The following IFT57 variants were observed in gnomAD, a reference collection of about 807,000 sequenced individuals.
IFT57 encodes intraflagellar transport 57, also known as intraflagellar transport protein 57 homolog.
A neutral mutation model predicts 56.8 loss-of-function variants in IFT57; 59 were observed. The observed-to-expected ratio is 1.04, with a 90% CI of 0.84 to 1.29. The LOEUF is 1.29. Ranked by LOEUF, IFT57 falls within the 50% of genes most tolerant of loss-of-function variation. IFT57 has a pLI of 0.00. For synonymous variants in IFT57, 209 were observed against 186.1 expected (o/e 1.12, Z -1.00); for missense variants, 470 against 522.1 (o/e 0.90, Z 0.97).
At chr3:108,176,810 C>T (rs1431397302) in intron 6 of IFT57, among the ~76,000 whole-genome samples, 1 of 151,814 alleles carries the variant, frequency 6.6e-6, no homozygotes, top group Non-Finnish European at 1.5e-5. Context: ...CCTCAACAAT[C>T]ACATCCCTCC....
chr3:108,172,901 G>C (rs1046678281), intron 6 of IFT57, among the ~76,000 whole-genome samples: 6 of 151,844 alleles, frequency 4.0e-5, no homozygotes, highest in African/African-American at 9.7e-5. Flanking sequence ...CCATTAAAGT[G>C]TTGAGCCAGT....
intron 3 of IFT57, among the ~76,000 whole-genome samples, chr3:108,216,848 G>A (rs1305727685): frequency 6.6e-6 from 1 of 152,178 alleles, no homozygotes; most frequent in Non-Finnish European, 1.5e-5. Flanking sequence ...AGGACACTAT[G>A]TCAAGTGAAA....
At chr3:108,171,507 C>T (rs574010756) in intron 6 of IFT57, among the ~76,000 whole-genome samples, 1 of 151,766 alleles carries the variant, frequency 6.6e-6, no homozygotes, top group East Asian at 1.9e-4. Flanking sequence ...CTGAAAAGAA[C>T]CTTAGAGATC....
intron 1 of IFT57, among the ~76,000 whole-genome samples, chr3:108,220,156 T>C (rs1166036225): frequency 6.6e-6 from 1 of 152,232 alleles, no homozygotes; most frequent in African/African-American, 2.4e-5. Context: ...TTTCAAAAGA[T>C]TTCTACATGT....
rs574857784 is a variant in IFT57, at chr3:108,161,639, T to C, written c.*838A>G. ...TCTAATGCTGCTTTTTTCACCAATT[T>C]AGAAATCCTAGCCTAGAAAGTTGCT... On this transcript the variant is annotated 3_prime_UTR_variant, in exon 11 of 11. Coordinates refer to ENST00000264538, the MANE Select transcript of IFT57 (RefSeq NM_018010.4). 3.5e-4 allele frequency: 53 copies of C among 152,224 alleles called. No individual in the cohort carries two copies. The highest frequency in any genetic ancestry group is 1.5e-3 in the Admixed American group (23 of 15,268). 9.4% of individuals were successfully genotyped at this position (152,224 alleles called of 1,614,324 possible). A position where few individuals can be genotyped will look rare whatever the true frequency, so the allele number is the denominator to read the frequency against.
chr3:108,190,374 G>C (rs959301547), intron 6 of IFT57, among the ~76,000 whole-genome samples: 1 of 152,188 alleles, frequency 6.6e-6, no homozygotes, highest in Non-Finnish European at 1.5e-5. Context: ...AGTGTTAAGG[G>C]AGGAACCTGG....
intron 6 of IFT57, among the ~76,000 whole-genome samples, chr3:108,180,576 A>G (rs891286126): frequency 2.6e-5 from 4 of 152,038 alleles, no homozygotes; most frequent in Non-Finnish European, 4.4e-5. Context: ...CTAAAAAACA[A>G]GAGTTAACTC....
chr3:108,203,359 C>T (rs2080290577), intron 5 of IFT57, among the ~76,000 whole-genome samples: 1 of 152,202 alleles, frequency 6.6e-6, no homozygotes, highest in Non-Finnish European at 1.5e-5. Context: ...CTGCTTATGA[C>T]ATGTCTTTTT....
intron 5 of IFT57, among the ~76,000 whole-genome samples, chr3:108,194,363 A>G (rs2108318846): frequency 6.6e-6 from 1 of 152,326 alleles, no homozygotes; most frequent in South Asian, 2.1e-4. Flanking sequence ...GAAAAGGGAA[A>G]GATATTCCAA....
intron 6 of IFT57, among the ~76,000 whole-genome samples, chr3:108,168,840 C>T (rs971998944): frequency 6.6e-6 from 1 of 152,044 alleles, no homozygotes. Context: ...TTTTTTATGG[C>T]TGCATGGTAT....
In IFT57 at chr3:108,191,502, T is replaced by G; in HGVS notation, c.777+19A>C. 6.6e-7 allele frequency: 1 copy of G among 1,512,318 alleles called. No homozygotes were observed. Among genetic ancestry groups the G allele is most frequent in the Non-Finnish European group, 8.9e-7 (1 of 1,128,484 alleles). The allele number at this position is 1,512,318 out of a possible 1,614,324, so 93.7% of individuals were successfully genotyped here. The stretch of plus-strand genomic sequence containing the variant: ...TAACTTTTTTTTTTTTTTAAGAAAA[T>G]GTGTTCCCACTTTGATACCTTATTG... On this transcript the variant is annotated intron_variant, in intron 6 of 10. Transcript: ENST00000264538.
chr3:108,186,244 G>A (rs2080181291), intron 6 of IFT57, among the ~76,000 whole-genome samples: 1 of 150,886 alleles, frequency 6.6e-6, no homozygotes, highest in African/African-American at 2.4e-5. Flanking sequence ...AGAAAACTGT[G>A]CCAGATGTTG....
At chr3:108,177,123 G>T (rs1239798543) in intron 6 of IFT57, among the ~76,000 whole-genome samples, 2 of 151,692 alleles carry the variant, frequency 1.3e-5, no homozygotes, top group Non-Finnish European at 2.9e-5. Context: ...GGAGACTTCA[G>T]TTCACTTGTA....
intron 6 of IFT57, among the ~76,000 whole-genome samples, chr3:108,185,650 C>T (rs2080177856): frequency 6.7e-6 from 1 of 150,356 alleles, no homozygotes; most frequent in South Asian, 2.1e-4. Flanking sequence ...CCTCCCCCTC[C>T]TGGATTCTAG....
Position 108,206,063 on chromosome 3 carries a change from TATA to T in IFT57, c.654+562_654+564del, listed in dbSNP as rs201111263. 4.9e-3 allele frequency among the ~76,000 whole-genome samples: 512 copies of T among 105,468 alleles called. 4 individuals are homozygous for T. The highest frequency in any genetic ancestry group is 0.016 in the African/African-American group (458 of 29,172). The allele number at this position is 105,468 out of a possible 152,430, so 69.2% of individuals were successfully genotyped here. On this transcript the variant is annotated intron_variant, in intron 5 of 10. Coordinates refer to ENST00000264538, the MANE Select transcript of IFT57 (RefSeq NM_018010.4). The stretch of plus-strand genomic sequence containing the variant: ...TAATATATATTATATATTATTTATA[TATA>T]ATAATATATTATATATAAATAATAT...
At chr3:108,178,418 C>A (rs530906579) in intron 6 of IFT57, among the ~76,000 whole-genome samples, 1 of 151,392 alleles carries the variant, frequency 6.6e-6, no homozygotes, top group African/African-American at 2.4e-5. Context: ...CTTGCTCCCC[C>A]CAAAAAAAAT....
chr3:108,205,727 G>T (rs1576046379), intron 5 of IFT57, among the ~76,000 whole-genome samples: 2 of 142,514 alleles, frequency 1.4e-5, no homozygotes, highest in South Asian at 4.3e-4. Context: ...GGGTACAATA[G>T]GTATATATCC....
At chr3:108,209,916 A>G (rs200353758) in intron 4 of IFT57, among the ~76,000 whole-genome samples, 1 of 149,930 alleles carries the variant, frequency 6.7e-6, no homozygotes, top group South Asian at 2.1e-4. Flanking sequence ...CTTTTTCTAT[A>G]TGTGTGTGTG....
chr3:108,206,068 T>TATA (rs548881014), intron 5 of IFT57, among the ~76,000 whole-genome samples: 1 of 108,290 alleles, frequency 9.2e-6, no homozygotes, highest in Non-Finnish European at 1.9e-5. Flanking sequence ...TTATATATAA[T>TATA]AATATATTAT....
Sources: gnomAD v4.1 joint callset for allele counts (sites outside exome capture counted in the v4.1 genomes callset) on GRCh38, gnomAD v4.1.1 for gene constraint, MANE v1.5 for transcripts, NCBI Gene and HGNC (gene_info 2026-07-23, HGNC 2026-07-21) for gene names.